The following C21orf58 variants were observed in gnomAD, a reference collection of about 807,000 sequenced individuals.
C21orf58 encodes chromosome 21 open reading frame 58, also known as uncharacterized protein C21orf58.
C21orf58 carries 34 observed loss-of-function variants against 35.8 expected under a neutral mutation model. The observed-to-expected ratio is 0.95, with a 90% confidence interval of 0.72 to 1.26. The LOEUF (loss-of-function observed/expected upper bound fraction) is 1.26, where lower values mean the gene tolerates loss of function less well. C21orf58 is among the 50% of genes most tolerant of loss of function. C21orf58 has a pLI of 0.00. For missense variants in C21orf58, 440 were observed against 414.3 expected (o/e 1.06, Z -0.54); for synonymous variants, 191 against 175.8 (o/e 1.09, Z -0.68).
At chr21:46,320,875 T>C (rs1209014888) in intron 1 of C21orf58, 2 of 152,208 alleles carry the variant, frequency 1.3e-5, no homozygotes, top group Admixed American at 6.6e-5. Context: ...AAGTATACTA[T>C]TATGTATGGT....
rs562142354 is a variant in C21orf58, at chr21:46,315,261, C to A, written c.444+213G>T. ...CTCCAGGCATCCCAGAATTTCAGGTCCTCCTGGAATTGGGCCCTTACTCAA... is the reference window on the plus strand; with the variant it reads ...CTCCAGGCATCCCAGAATTTCAGGTACTCCTGGAATTGGGCCCTTACTCAA... On this transcript the variant is annotated intron_variant, in intron 4 of 7. Transcript: ENST00000291691. The A allele has an allele frequency of 2.6e-4, 153 of 593,130 alleles. 2 individuals are homozygous for A. In the South Asian group the frequency reaches 3.2e-3, roughly 12 times the overall value. 36.7% of individuals were successfully genotyped at this position (593,130 alleles called of 1,614,324 possible).
chr21:46,308,042 G>T (rs549958500), intron 6 of C21orf58, among the ~76,000 whole-genome samples: 1 of 151,950 alleles, frequency 6.6e-6, no homozygotes, highest in East Asian at 2.0e-4. Flanking sequence ...CACCCAGGCT[G>T]GAGTACAAAG....
chr21:46,302,265 G>T, intron 7 of C21orf58, 111 bp from the exon 8 acceptor site: 1 of 1,424,254 alleles, frequency 7.0e-7, no homozygotes. Flanking sequence ...GGATGGCAGG[G>T]TCTAAGCATC....
chr21:46,311,269 T>A (rs1331682347), intron 6 of C21orf58, among the ~76,000 whole-genome samples, 187 bp downstream of exon 6: 2 of 152,244 alleles, frequency 1.3e-5, no homozygotes, highest in Non-Finnish European at 2.9e-5. Flanking sequence ...CTCCTAGTTA[T>A]CTTTCTTATA....
chr21:46,317,885 G>T, intron 2 of C21orf58, 127 bp downstream of exon 2: 1 of 1,030,872 alleles, frequency 9.7e-7, no homozygotes, highest in Non-Finnish European at 1.4e-6. Context: ...GGGTCCGCTG[G>T]GCTGCCAGCC....
chr21:46,301,733 C>T lies in C21orf58; in HGVS notation c.*266G>A. The T allele has an allele frequency of 8.3e-7, 1 of 1,207,572 alleles. No homozygotes were observed. Among genetic ancestry groups the T allele is most frequent in the Non-Finnish European group, 1.0e-6 (1 of 972,672 alleles). 74.8% of individuals were successfully genotyped at this position (1,207,572 alleles called of 1,614,324 possible). A position where few individuals can be genotyped will look rare whatever the true frequency, so the allele number is the denominator to read the frequency against. On this transcript the variant is annotated 3_prime_UTR_variant, in exon 8 of 8. Coordinates refer to ENST00000291691, the MANE Select transcript of C21orf58 (RefSeq NM_058180.5). ...GCCGCCCTACAGGAAAGGAGGGGTC[C>T]CTGGGAGGGGCTGTTGCCCTGGTGG...
intron 4 of C21orf58, chr21:46,315,179 C>T (rs766798763): frequency 7.6e-6 from 5 of 654,968 alleles, no homozygotes; most frequent in Non-Finnish European, 1.3e-5. Flanking sequence ...AGCGGCCCCA[C>T]CTCCCCTGCA....
intron 1 of C21orf58, among the ~76,000 whole-genome samples, chr21:46,321,194 A>C (rs538509867): frequency 6.6e-6 from 1 of 152,088 alleles, no homozygotes; most frequent in African/African-American, 2.4e-5. Context: ...TTTGAGACAG[A>C]GTCTCGCTGC....
At chr21:46,312,846 G>A (rs1182466545) in intron 5 of C21orf58, among the ~76,000 whole-genome samples, 1 of 152,178 alleles carries the variant, frequency 6.6e-6, no homozygotes, top group Non-Finnish European at 1.5e-5. Context: ...CTCTATCCCA[G>A]CCCCCATAAC....
At chr21:46,300,975 G>C (rs372480310), downstream of C21orf58, among the ~76,000 whole-genome samples, 1 of 152,074 alleles carries the variant, frequency 6.6e-6, no homozygotes, top group Non-Finnish European at 1.5e-5. Flanking sequence ...ACTGAACTGA[G>C]GGGAGTGAGC....
intron 1 of C21orf58, among the ~76,000 whole-genome samples, chr21:46,319,308 C>T (rs1366650281): frequency 6.6e-6 from 1 of 152,148 alleles, no homozygotes; most frequent in Non-Finnish European, 1.5e-5. Context: ...GGCCATCCAA[C>T]CAGAAATGAA....
chr21:46,312,893 G>A (rs2082803341), intron 5 of C21orf58: 2 of 587,694 alleles, frequency 3.4e-6, no homozygotes, highest in Non-Finnish European at 4.3e-6. Context: ...ATATACTGTA[G>A]TACATATATA....
rs2082126353 is a variant in C21orf58, at chr21:46,302,054, C to G, written c.914G>C (p.Gly305Ala). Residue 305 changes from glycine (G) to alanine (A), a missense_variant, in exon 8 of 8, where the codon GGG becomes GCG. Physicochemically the swap from Gly to Ala is moderately conservative, Grantham distance 60. Transcript: ENST00000291691. ...HHHHHAVWPPGAATVLQPAPS... is the reference protein window; with the variant it reads ...HHHHHAVWPPAAATVLQPAPS... ...GGCGGGCTGGAGGACAGTGGCAGCC[C>G]CAGGTGGCCACACAGCATGGTGGTG... is the stretch of plus-strand genomic sequence containing the variant. 1 of 1,528,696 alleles carries G rather than the reference C, an allele frequency of 6.5e-7. No homozygotes were observed. The highest frequency in any genetic ancestry group is 1.4e-5 in the African/African-American group (1 of 71,758). The allele number at this position is 1,528,696 out of a possible 1,614,324, so 94.7% of individuals were successfully genotyped here.
chr21:46,311,070 C>T lies in C21orf58; in HGVS notation c.721+386G>A, dbSNP rs544106757. On this transcript the variant is annotated intron_variant, in intron 6 of 7. Transcript: ENST00000291691. ...TATTTTTAGTAGAGATGGGGTTTCA[C>T]CCTGTGGGCCAGGCTGGTCTCGAAC... Among the ~76,000 whole-genome samples, 42 of 152,068 alleles carry T rather than the reference C, an allele frequency of 2.8e-4. No individual in the cohort carries two copies. In the South Asian group the frequency reaches 8.5e-3, roughly 31 times the overall value.
At chr21:46,311,671 C>G (rs935241958) in intron 5 of C21orf58, 104 bp from the exon 6 acceptor site, 2 of 560,846 alleles carry the variant, frequency 3.6e-6, no homozygotes, top group African/African-American at 3.8e-5. Context: ...AACCAACCAA[C>G]CAACCATCCA....
At chr21:46,314,933 A>C in intron 4 of C21orf58, 53 bp from the exon 5 acceptor site, 3 of 1,550,308 alleles carry the variant, frequency 1.9e-6, no homozygotes, top group South Asian at 2.4e-5. Context: ...CCCCAACGCC[A>C]CAGAGGCACC....
intron 1 of C21orf58, 143 bp downstream of exon 1, chr21:46,322,496 G>A (rs1454571406): frequency 2.3e-6 from 3 of 1,278,514 alleles, no homozygotes; most frequent in Non-Finnish European, 3.0e-6. Flanking sequence ...TTCCTGGAAA[G>A]TGTGATCCTG....
chr21:46,318,491 A>T (rs1601705127), intron 1 of C21orf58: 2 of 1,349,266 alleles, frequency 1.5e-6, no homozygotes, highest in African/African-American at 1.5e-5. Context: ...GGCAGTCGTG[A>T]CCCCCTATGC....
chr21:46,311,602 G>T (rs1180371465), intron 5 of C21orf58, 35 bp from the exon 6 acceptor site: 1 of 1,347,116 alleles, frequency 7.4e-7, no homozygotes, highest in Admixed American at 1.9e-5. Context: ...ATCTGCATAT[G>T]TCCTTGAAGA....
Sources: allele counts gnomAD v4.1 joint callset (sites outside exome capture counted in the v4.1 genomes callset), GRCh38; gene constraint gnomAD v4.1.1; transcripts MANE v1.5; gene names NCBI Gene and HGNC (gene_info 2026-07-23, HGNC 2026-07-21).